TMEM143: variants seen among roughly 807,000 people sequenced by gnomAD.
The protein encoded by TMEM143 is transmembrane protein 143.
In TMEM143, 45 loss-of-function variants were observed where a neutral mutation model predicts 40.3. The ratio of observed to expected loss-of-function variants is 1.12; its 90% CI spans 0.88 to 1.43. TMEM143 has a LOEUF of 1.43. Among genes scored for constraint, TMEM143 ranks in the 40% most tolerant of loss-of-function variants. TMEM143 has a pLI of 0.00. For missense variants in TMEM143, 620 were observed against 613.4 expected (o/e 1.01, Z -0.11); for synonymous variants, 299 against 282.7 (o/e 1.06, Z -0.58).
intron 6 of TMEM143, among the ~76,000 whole-genome samples, chr19:48,337,473 G>A (rs1180762498): frequency 2.0e-5 from 3 of 151,970 alleles, no homozygotes; most frequent in Non-Finnish European, 4.4e-5. Context: ...CTTGAACCCA[G>A]GAGGCAGAGG....
Position 48,334,055 on chromosome 19 carries a change from T to C in TMEM143, c.1118A>G (p.His373Arg), listed in dbSNP as rs768737850. 34 of 1,578,370 alleles carry C rather than the reference T, an allele frequency of 2.2e-5. No homozygotes were observed. In the African/African-American group the frequency reaches 4.3e-4, roughly 20 times the overall value. Residue 373 changes from histidine to arginine, a missense_variant, in exon 7 of 8, where the codon CAC (histidine) becomes CGC (arginine). Coordinates refer to ENST00000293261, the MANE Select transcript of TMEM143 (RefSeq NM_018273.4). ...DEHTKEALLA[H>R]SFLARRPGGT... ...CCCTGGCCGCCGGGCCAGGAAGCTG[T>C]GAGCCAGCAGCGCCTCCTTGGTGTG...
At chr19:48,362,230 G>C (rs1316074155) in intron 2 of TMEM143, among the ~76,000 whole-genome samples, 1 of 152,136 alleles carries the variant, frequency 6.6e-6, no homozygotes, top group Non-Finnish European at 1.5e-5. Flanking sequence ...TAGGTGTTCA[G>C]TAAATAAATG....
intron 6 of TMEM143, among the ~76,000 whole-genome samples, chr19:48,336,163 C>T (rs1969361943): frequency 6.6e-6 from 1 of 152,122 alleles, no homozygotes; most frequent in Admixed American, 6.6e-5. Context: ...GGGCAGATCA[C>T]TTGAGGTTAG....
At chr19:48,344,644 TAA>T (rs1371343492) in intron 4 of TMEM143, among the ~76,000 whole-genome samples, 2 of 152,134 alleles carry the variant, frequency 1.3e-5, no homozygotes, top group Non-Finnish European at 2.9e-5. Flanking sequence ...TCTCTTGCCC[TAA>T]GAGAGCCATA....
chr19:48,353,211 A>T (rs947279886), intron 3 of TMEM143, among the ~76,000 whole-genome samples: 8 of 148,296 alleles, frequency 5.4e-5, no homozygotes, highest in African/African-American at 1.7e-4. Context: ...ACGGGGTCTC[A>T]CTCTGTTGCC....
In TMEM143 at chr19:48,342,638, G is replaced by A. The variant is rs781318508; in HGVS notation, c.867C>T (p.Gly289=). 14 of 1,613,876 alleles carry A rather than the reference G, an allele frequency of 8.7e-6. No individual in the cohort carries two copies. Among genetic ancestry groups the A allele is most frequent in the Admixed American group, 1.7e-5 (1 of 60,008 alleles). The part of the protein sequence containing the change: ...ALLNLMLVVS[G]VAIFVNVGMV... Reference sequence around the variant, plus strand: ...TGCCCACGTTGACGAAGATCGCCACGCCGGAGACTACCAGCATGAGGTTGA... The same window carrying A: ...TGCCCACGTTGACGAAGATCGCCACACCGGAGACTACCAGCATGAGGTTGA... Residue 289 remains glycine, a synonymous_variant, in exon 6 of 8, where the codon GGC becomes GGT. Transcript: ENST00000293261.
chr19:48,361,535 C>T (rs1275362826), intron 2 of TMEM143, among the ~76,000 whole-genome samples: 4 of 138,402 alleles, frequency 2.9e-5, no homozygotes, highest in East Asian at 2.2e-4. Flanking sequence ...ACTTCTTCTT[C>T]TTTTTTTTTT....
At chr19:48,334,221 G>A (rs1600890874) in intron 6 of TMEM143, 24 bp from the exon 7 acceptor site, 13 of 1,572,126 alleles carry the variant, frequency 8.3e-6, no homozygotes, top group East Asian at 2.3e-5. Flanking sequence ...AGCGCCCCGT[G>A]GGCTCAGTTC....
chr19:48,361,862 C>T (rs759614834), intron 2 of TMEM143, among the ~76,000 whole-genome samples: 4 of 152,186 alleles, frequency 2.6e-5, no homozygotes, highest in Non-Finnish European at 5.9e-5. Flanking sequence ...TGTCAATGTC[C>T]TGGGTAATTG....
Position 48,333,362 on chromosome 19 carries a change from T to G in TMEM143, c.1237A>C (p.Asn413His). 6.2e-7 allele frequency: 1 copy of G among 1,609,278 alleles called. No individual in the cohort carries two copies. The highest frequency in any genetic ancestry group is 8.5e-7 in the Non-Finnish European group (1 of 1,176,686). ...AGATGCGCCAGGGCCCGAGTTCCGT[T>G]GAAGGTCACCTCACAGCCTGACTTG... ...LAKSGCEVTF[N>H]GTRALAHLQA... Residue 413 changes from asparagine to histidine, a missense_variant, in exon 8 of 8, where the codon AAC becomes CAC. Transcript: ENST00000293261. This position sits in a 1 kb window ranked among gnomAD's most constrained non-coding sequence, Gnocchi z 4.1.
chr19:48,363,870 C>G (rs748001437), intron 1 of TMEM143, 28 bp downstream of exon 1: 18 of 1,613,816 alleles, frequency 1.1e-5, no homozygotes, highest in Admixed American at 1.7e-5. Flanking sequence ...CCCTCCCTGG[C>G]CATGCAATCC....
intron 5 of TMEM143, 71 bp from the exon 6 acceptor site, chr19:48,342,880 G>A: frequency 2.0e-6 from 3 of 1,501,654 alleles, no homozygotes; most frequent in East Asian, 2.3e-5. Context: ...CCAATCCTAG[G>A]ACGCTCACTC....
At chr19:48,350,484 C>CCAT (rs1969741708) in intron 3 of TMEM143, among the ~76,000 whole-genome samples, 1 of 152,106 alleles carries the variant, frequency 6.6e-6, no homozygotes, top group South Asian at 2.1e-4. Context: ...CTGAACTTAA[C>CCAT]CATCACTGGG....
At chr19:48,334,272 C>A in intron 6 of TMEM143, 75 bp from the exon 7 acceptor site, 1 of 1,459,216 alleles carries the variant, frequency 6.9e-7, no homozygotes. Flanking sequence ...GGGGTCACCC[C>A]CGCTGGCACG....
In TMEM143 at chr19:48,363,305, G is replaced by T; in HGVS notation, c.250C>A (p.Arg84Ser). 6.2e-7 allele frequency: 1 copy of T among 1,613,912 alleles called. No individual in the cohort carries two copies. Among genetic ancestry groups the T allele is most frequent in the Non-Finnish European group, 8.5e-7 (1 of 1,179,914 alleles). Residue 84 changes from arginine (R) to serine (S), a missense_variant, in exon 2 of 8, where the codon CGC becomes AGC. Arg to Ser is a moderately radical substitution (Grantham distance 110). Transcript: ENST00000293261. Reference sequence around the variant, plus strand: ...ACAGGCGGTACCTGTATTAGGAGGCGGAGCAGCTGCTCCTTGGAGAAGGGA... The same window carrying T: ...ACAGGCGGTACCTGTATTAGGAGGCTGAGCAGCTGCTCCTTGGAGAAGGGA... ...FIPFSKEQLLRLLIQEFHSSP... is the reference protein window; with the variant it reads ...FIPFSKEQLLSLLIQEFHSSP...
At chr19:48,342,460 A>T in intron 6 of TMEM143, 70 bp downstream of exon 6, 1 of 1,496,064 alleles carries the variant, frequency 6.7e-7, no homozygotes, top group Admixed American at 2.1e-5. Flanking sequence ...TGAAACAGAG[A>T]CAACTACAGG....
chr19:48,340,813 T>TCAC (rs1167074872), intron 6 of TMEM143, among the ~76,000 whole-genome samples: 2 of 152,076 alleles, frequency 1.3e-5, no homozygotes, highest in African/African-American at 4.8e-5. Context: ...TTCAAGGCCC[T>TCAC]CACCACCCTC....
At chr19:48,344,502 G>C (rs1349020339) in intron 4 of TMEM143, among the ~76,000 whole-genome samples, 1 of 151,950 alleles carries the variant, frequency 6.6e-6, no homozygotes, top group East Asian at 1.9e-4. Context: ...TCGCCTAGAT[G>C]AGTCCGGAAC....
At chr19:48,342,963 T>A in intron 5 of TMEM143, 154 bp from the exon 6 acceptor site, 4 of 952,034 alleles carry the variant, frequency 4.2e-6, no homozygotes, top group Non-Finnish European at 6.1e-6. Flanking sequence ...ATCAGCTGTG[T>A]CCAACCACAG....
Sources: gnomAD v4.1 joint callset for allele counts (sites outside exome capture counted in the v4.1 genomes callset) on GRCh38, gnomAD v4.1.1 for gene constraint, Gnocchi (gnomAD v3.1) non-coding constraint, MANE v1.5 for transcripts, NCBI Gene and HGNC (gene_info 2026-07-23, HGNC 2026-07-21) for gene names.